The following TSPEAR variants were observed in gnomAD, a reference collection of about 807,000 sequenced individuals.
TSPEAR encodes the protein thrombospondin-type laminin G domain and EAR repeat-containing protein.
In TSPEAR, 69 loss-of-function variants were observed where a neutral mutation model predicts 71.6. The ratio of observed to expected loss-of-function variants is 0.96; its 90% confidence interval spans 0.79 to 1.18. The LOEUF (loss-of-function observed/expected upper bound fraction) is 1.18. Among genes scored for constraint, TSPEAR ranks in the 50% most tolerant of loss-of-function variants. The probability of loss-of-function intolerance (pLI) is 0.00; values close to 1 mark genes in which losing one functional copy is unlikely to be tolerated. For synonymous variants in TSPEAR, 402 were observed against 387.2 expected (o/e 1.04, Z -0.45); for missense variants, 971 against 894.9 (o/e 1.09, Z -1.09).
chr21:44,694,433 G>C (rs1987244340), intron 1 of TSPEAR, among the ~76,000 whole-genome samples: 1 of 152,190 alleles, frequency 6.6e-6, no homozygotes, highest in Admixed American at 6.5e-5. Context: ...GGGAGTGAAT[G>C]TTTAATGGGG....
intron 1 of TSPEAR, among the ~76,000 whole-genome samples, chr21:44,624,363 G>C (rs182945898): frequency 3.9e-4 from 60 of 152,220 alleles, no homozygotes; most frequent in African/African-American, 1.3e-3. Flanking sequence ...ATATCTAAAG[G>C]TCCTGTGTAT....
intron 1 of TSPEAR, among the ~76,000 whole-genome samples, chr21:44,694,311 A>AC (rs1206931055): frequency 3.3e-5 from 5 of 152,100 alleles, no homozygotes; most frequent in African/African-American, 1.2e-4. Flanking sequence ...AGTCAGTCAC[A>AC]AAAAAAACAA....
intron 7 of TSPEAR, 149 bp downstream of exon 7, chr21:44,527,143 T>TGTAGGGTG: frequency 1.4e-6 from 1 of 729,262 alleles, no homozygotes; most frequent in Non-Finnish European, 2.3e-6. Flanking sequence ...TGGGCTCACG[T>TGTAGGGTG]GTGCGACTCT....
At chr21:44,643,797 T>C (rs1358781567) in intron 1 of TSPEAR, among the ~76,000 whole-genome samples, 1 of 152,182 alleles carries the variant, frequency 6.6e-6, no homozygotes, top group East Asian at 1.9e-4. Flanking sequence ...AGGAAAACAC[T>C]GCATGCACGA....
chr21:44,702,060 C>A (rs73234878), intron 1 of TSPEAR, among the ~76,000 whole-genome samples: 2,125 of 152,276 alleles, frequency 0.014, 19 homozygotes, highest in Non-Finnish European at 0.022. Flanking sequence ...CAGAGAGACC[C>A]TAAGTGCCGT....
intron 9 of TSPEAR, among the ~76,000 whole-genome samples, chr21:44,511,347 GCATATGCACTGTGTACACACACA>G (rs2052371288): frequency 6.6e-6 from 1 of 151,980 alleles, no homozygotes; most frequent in African/African-American, 2.4e-5. Context: ...ACACAAACAT[GCATATGCACTGTGTACACACACA>G]CATATATGCT....
At chr21:44,601,604 G>GCTGCGCCCCCACCTCCTC (rs1980920933) in intron 1 of TSPEAR, 1 of 1,613,350 alleles carries the variant, frequency 6.2e-7, no homozygotes, top group African/African-American at 1.3e-5. Context: ...GTCCCCTCCT[G>GCTGCGCCCCCACCTCCTC]CTGCGCCCCC....
At chr21:44,670,905 G>A (rs1053161826) in intron 1 of TSPEAR, among the ~76,000 whole-genome samples, 1 of 152,184 alleles carries the variant, frequency 6.6e-6, no homozygotes, top group Admixed American at 6.5e-5. Flanking sequence ...CCAGCTGGAT[G>A]CATCAATAAG....
rs587748953 is a variant in TSPEAR, at chr21:44,503,551, G to T, written c.1856+1229C>A. Among the ~76,000 whole-genome samples the T allele has an allele frequency of 3.7e-3, 475 of 129,138 alleles. 59 individuals are homozygous for T. The highest frequency in any genetic ancestry group is 0.014 in the African/African-American group (443 of 32,052). The allele number at this position is 129,138 out of a possible 152,430, so 84.7% of individuals were successfully genotyped here. A position where few individuals can be genotyped will look rare whatever the true frequency, so the allele number is the denominator to read the frequency against. ...GGAAGCCGGCCTTGGTGAGCCCACA[G>T]TGGGGAAGCAATGTGCTGGGAGGAA... is the stretch of plus-strand genomic sequence containing the variant. On this transcript the variant is annotated intron_variant, in intron 11 of 11. Transcript: ENST00000323084.
At position 44,534,026 on chromosome 21, in the gene TSPEAR, G is replaced by A. The variant is rs587697142; in HGVS notation, c.304-103C>T. ...GAGGTGATGAGCACAGGTGGTGAGAGGAGCAGGGGCTGACTGGAGGGGCGA... is the reference window on the plus strand; with the variant it reads ...GAGGTGATGAGCACAGGTGGTGAGAAGAGCAGGGGCTGACTGGAGGGGCGA... On this transcript the variant is annotated intron_variant, in intron 2 of 11. Transcript: ENST00000323084. The A allele has an allele frequency of 1.6e-5, 14 of 853,062 alleles. 1 individual carries two copies. In the East Asian group the frequency reaches 3.8e-4, roughly 23 times the overall value. 52.8% of individuals were successfully genotyped at this position (853,062 alleles called of 1,614,324 possible). A position where few individuals can be genotyped will look rare whatever the true frequency, so the allele number is the denominator to read the frequency against.
At chr21:44,505,416 C>G (rs914120060) in intron 10 of TSPEAR, among the ~76,000 whole-genome samples, 1 of 152,028 alleles carries the variant, frequency 6.6e-6, no homozygotes, top group Admixed American at 6.6e-5. Context: ...TATAACATAA[C>G]ATTTCCCACC....
intron 2 of TSPEAR, among the ~76,000 whole-genome samples, chr21:44,561,290 T>G (rs1439579044): frequency 1.3e-5 from 2 of 152,166 alleles, no homozygotes; most frequent in African/African-American, 4.8e-5. Flanking sequence ...CAGGAAGAAG[T>G]TGAATCCCTG....
At chr21:44,528,324 C>T (rs1167331471) in intron 6 of TSPEAR, 128 bp downstream of exon 6, 1 of 1,369,320 alleles carries the variant, frequency 7.3e-7, no homozygotes, top group East Asian at 2.3e-5. Context: ...AGAAGTGCCC[C>T]AGCCTGACGG....
At chr21:44,647,138 C>G in intron 1 of TSPEAR, 1 of 1,614,180 alleles carries the variant, frequency 6.2e-7, no homozygotes, top group Non-Finnish European at 8.5e-7. Context: ...GCTTGCTGCA[C>G]CACCTCCTGC....
At chr21:44,549,168 G>C (rs1212741388) in intron 2 of TSPEAR, among the ~76,000 whole-genome samples, 1 of 152,174 alleles carries the variant, frequency 6.6e-6, no homozygotes, top group Non-Finnish European at 1.5e-5. Flanking sequence ...TTAGGGGAAG[G>C]GGTCGTCTGC....
chr21:44,685,352 G>A (rs1157426009), intron 1 of TSPEAR, among the ~76,000 whole-genome samples: 10 of 151,918 alleles, frequency 6.6e-5, no homozygotes, highest in African/African-American at 9.7e-5. Context: ...GAGGAGGAGC[G>A]TGCCATCCAC....
chr21:44,613,086 C>A, intron 1 of TSPEAR: 1 of 733,102 alleles, frequency 1.4e-6, no homozygotes, highest in African/African-American at 1.8e-5. Flanking sequence ...CAGGTGCCCA[C>A]CTGCCTGCTG....
At chr21:44,556,716 G>T (rs1190676837) in intron 2 of TSPEAR, among the ~76,000 whole-genome samples, 1 of 152,118 alleles carries the variant, frequency 6.6e-6, no homozygotes, top group Non-Finnish European at 1.5e-5. Context: ...TTGCTCCAGG[G>T]ATTCCAGTTC....
intron 1 of TSPEAR, chr21:44,638,034 TCC>T (rs782625974): frequency 5.1e-5 from 83 of 1,613,120 alleles, no homozygotes; most frequent in Non-Finnish European, 7.0e-5. Context: ...TGCGTGCCCG[TCC>T]CCTCCTGCGG....
Sources: gnomAD v4.1 joint callset for allele counts (sites outside exome capture counted in the v4.1 genomes callset) on GRCh38, gnomAD v4.1.1 for gene constraint, MANE v1.5 for transcripts, NCBI Gene and HGNC (gene_info 2026-07-23, HGNC 2026-07-21) for gene names.